LILRB2: variants seen among roughly 807,000 people sequenced by gnomAD.
LILRB2 encodes the protein leukocyte immunoglobulin like receptor B2.
LILRB2 carries 47 observed loss-of-function variants against 72.7 expected under a neutral mutation model. The observed-to-expected ratio is 0.65, with a 90% CI of 0.51 to 0.82. The LOEUF (loss-of-function observed/expected upper bound fraction) is 0.82. Among genes scored for constraint, LILRB2 ranks in the 40% least tolerant of loss-of-function variants. LILRB2 has a pLI of 0.00. For missense variants in LILRB2, 767 were observed against 764.8 expected, an observed-to-expected ratio of 1.00 and a Z score of -0.03; for synonymous variants, 279 against 313.7, an observed-to-expected ratio of 0.89 and a Z score of 1.17.
rs757051651 is a variant in LILRB2 at position 54,279,644 on chromosome 19, G to T, written c.359C>A (p.Ala120Asp). 2.5e-6 allele frequency: 4 copies of T among 1,604,064 alleles called. No individual in the cohort carries two copies. Among genetic ancestry groups the T allele is most frequent in the Admixed American group, 1.7e-5 (1 of 59,698 alleles). The change falls in exon 5 of 14, where the codon GCC becomes GAC. Residue 120 changes from alanine to aspartate, a missense_variant. Transcript: ENST00000314446. ...SDPLVLVMTG[A>D]YPKPTLSAQP... Reference sequence around the variant, plus strand: ...GGCTGAGAGGGTGGGTTTTGGGTAGGCTCCTAGGAGAGAAGGAGGCATCGT... The same window carrying T: ...GGCTGAGAGGGTGGGTTTTGGGTAGTCTCCTAGGAGAGAAGGAGGCATCGT...
intron 9 of LILRB2, chr19:54,277,136 G>A (rs1601103375): frequency 4.0e-6 from 6 of 1,496,794 alleles, no homozygotes; most frequent in Non-Finnish European, 5.5e-6. Context: ...CCAGGAAGCG[G>A]CAGAGCTGGG....
chr19:54,280,625 T>C (rs1420525228), intron 1 of LILRB2, 81 bp from the exon 2 acceptor site: 36 of 1,549,182 alleles, frequency 2.3e-5, no homozygotes, highest in Non-Finnish European at 3.2e-5. Context: ...TGGGTCCTTC[T>C]CATGGGGTGT....
intron 12 of LILRB2, 37 bp downstream of exon 12, chr19:54,276,227 T>A: frequency 6.2e-7 from 1 of 1,613,286 alleles, no homozygotes; most frequent in Non-Finnish European, 8.5e-7. Flanking sequence ...GGGGCCCCTA[T>A]CTCCCTCCTG....
Position 54,278,292 on chromosome 19 carries a change from T to A in LILRB2, c.1226A>T (p.His409Leu), listed in dbSNP as rs758408980. 8.7e-6 allele frequency: 14 copies of A among 1,613,736 alleles called. No homozygotes were observed. The highest frequency in any genetic ancestry group is 1.6e-4 in the Middle Eastern group (1 of 6,084). The change falls in exon 7 of 14, where the codon CAC (histidine) becomes CTC (leucine). Residue 409 changes from histidine to leucine, a missense_variant. His to Leu is a moderately conservative substitution (Grantham distance 99). Around this residue, in one of 3 missense-constraint regions of LILRB2, gnomAD observed 599 missense variants for 568.2 expected, o/e 1.05. Coordinates refer to ENST00000314446, the MANE Select transcript of LILRB2 (RefSeq NM_001080978.4). ...SLNSDPYLLS[H>L]PSEPLELVVS... ...CACGAGCTCCAGGGGCTCACTGGGG[T>A]GAGACAGCAGGTAGGGGTCGGAGTT...
rs376258741 is a variant in LILRB2, at chr19:54,274,695, C to T, written c.1782G>A (p.Leu594=). ...CGTACCCTCCGGGCTAGTGGATGGC[C>T]AGGGTGGCGTAGATGCTGGGCTCAG... is the stretch of plus-strand genomic sequence containing the variant. The part of the protein sequence containing the change: ...PPAEPSIYAT[L]AIH Residue 594 remains leucine, a synonymous_variant, in exon 14 of 14, where the codon CTG becomes CTA. Transcript: ENST00000314446. 29 of 1,613,818 alleles carry T rather than the reference C, an allele frequency of 1.8e-5. No individual in the cohort carries two copies. Among genetic ancestry groups the T allele is most frequent in the Non-Finnish European group, 2.5e-5 (29 of 1,180,028 alleles).
Position 54,279,951 on chromosome 19 carries a change from T to C in LILRB2, c.195A>G (p.Lys65=). The change falls in exon 4 of 14, where the codon AAA becomes AAG. Residue 65 remains lysine, a synonymous_variant. Coordinates refer to ENST00000314446, the MANE Select transcript of LILRB2 (RefSeq NM_001080978.4). ...AQEYRLYREK[K]SASWITRIRP... ...GTATCCGTGTAATCCAAGATGCTGA[T>C]TTTTTCTCCCTATATAGACGGTACT... 6.2e-7 allele frequency: 1 copy of C among 1,614,096 alleles called. No homozygotes were observed. Among genetic ancestry groups the C allele is most frequent in the Non-Finnish European group, 8.5e-7 (1 of 1,179,984 alleles).
At chr19:54,276,552 T>A (rs1414089419) in intron 10 of LILRB2, 96 bp from the exon 11 acceptor site, 32 of 1,379,984 alleles carry the variant, frequency 2.3e-5, no homozygotes, top group Non-Finnish European at 2.8e-5. Flanking sequence ...CTAAAAACAC[T>A]CCTGCCTCCA....
chr19:54,278,724 C>T lies in LILRB2; in HGVS notation c.955+88G>A, dbSNP rs558138109. ...CTCTCCCTCCCTTGGGACCACCCCC[C>T]GCCTCATCCTGGCCATCACTAATTG... On this transcript the variant is annotated intron_variant, in intron 6 of 13. Coordinates refer to ENST00000314446, the MANE Select transcript of LILRB2 (RefSeq NM_001080978.4). 4.9e-3 allele frequency: 7,676 copies of T among 1,564,528 alleles called. 35 individuals carry two copies. Among genetic ancestry groups the T allele is most frequent in the Non-Finnish European group, 5.1e-3 (5,845 of 1,155,956 alleles).
In LILRB2 at chr19:54,280,500, G is replaced by A. The variant is rs368747484; in HGVS notation, c.-4C>T. 10 of 1,613,692 alleles carry A rather than the reference G, an allele frequency of 6.2e-6. No individual in the cohort carries two copies. The highest frequency in any genetic ancestry group is 3.3e-5 in the Admixed American group (2 of 59,956). ...GGACTGTGACGATGGGGGTCATGGC[G>A]TCTCCTCCCACTGCCCTGCTCTGCG... On this transcript the variant is annotated 5_prime_UTR_variant, in exon 2 of 14. The change creates a new upstream start codon in the 5' untranslated region. Coordinates refer to ENST00000314446, the MANE Select transcript of LILRB2 (RefSeq NM_001080978.4).
chr19:54,278,351 G>A lies in LILRB2; in HGVS notation c.1167C>T (p.Ala389=), dbSNP rs1490517696. The stretch of plus-strand genomic sequence containing the variant: ...CGTAGCACCTGTAGGTCCCCGCGTG[G>A]GCTGAGGTCACAGGACTCATGGGGA... ...AEFPMSPVTS[A]HAGTYRCYGS... The change falls in exon 7 of 14, where the codon GCC becomes GCT. Residue 389 remains alanine (A), a synonymous_variant. Transcript: ENST00000314446. The A allele has an allele frequency of 4.3e-6, 7 of 1,614,234 alleles. No homozygotes were observed. Among genetic ancestry groups the A allele is most frequent in the Non-Finnish European group, 5.1e-6 (6 of 1,180,034 alleles).
At chr19:54,274,999 C>T in intron 13 of LILRB2, 170 bp from the exon 14 acceptor site, 1 of 1,609,566 alleles carries the variant, frequency 6.2e-7, no homozygotes, top group Non-Finnish European at 8.5e-7. Flanking sequence ...GGCCATTTCT[C>T]TCCTAGGTCT....
At chr19:54,279,708 C>T (rs760679798) in intron 4 of LILRB2, 61 bp from the exon 5 acceptor site, 58 of 1,606,178 alleles carry the variant, frequency 3.6e-5, no homozygotes, top group Non-Finnish European at 4.8e-5. Context: ...ATCCCCAGGG[C>T]TGGGCTGTGA....
In LILRB2 at chr19:54,273,881, C is replaced by G. The variant is rs1483559142; in HGVS notation, c.*802G>C. 2 of 151,952 alleles carry G rather than the reference C, an allele frequency of 1.3e-5. No individual in the cohort carries two copies. The highest frequency in any genetic ancestry group is 2.9e-5 in the Non-Finnish European group (2 of 68,006). 9.4% of individuals were successfully genotyped at this position (151,952 alleles called of 1,614,324 possible). ...TCACACACACACACACACACACACACACACATATATATACACACACATACA... is the reference window on the plus strand; with the variant it reads ...TCACACACACACACACACACACACAGACACATATATATACACACACATACA... On this transcript the variant is annotated 3_prime_UTR_variant, in exon 14 of 14. Coordinates refer to ENST00000314446, the MANE Select transcript of LILRB2 (RefSeq NM_001080978.4).
chr19:54,277,637 C>A (rs1212155911), intron 8 of LILRB2, 40 bp from the exon 9 acceptor site: 2 of 1,547,006 alleles, frequency 1.3e-6, no homozygotes, highest in Non-Finnish European at 1.7e-6. Context: ...TGGGGCTGCC[C>A]TGCTCCCCAC....
In LILRB2 at chr19:54,274,519, G is replaced by C; in HGVS notation, c.*164C>G. The C allele has an allele frequency of 7.8e-7, 1 of 1,284,436 alleles. No individual in the cohort carries two copies. 79.6% of individuals were successfully genotyped at this position (1,284,436 alleles called of 1,614,324 possible). Reference sequence around the variant, plus strand: ...AAAATGTAGGGATATTAGTTATTTCGACTGCAGAATCAAGTGAGTCCCAAA... The same window carrying C: ...AAAATGTAGGGATATTAGTTATTTCCACTGCAGAATCAAGTGAGTCCCAAA... On this transcript the variant is annotated 3_prime_UTR_variant, in exon 14 of 14. Transcript: ENST00000314446.
At position 54,278,566 on chromosome 19, in the gene LILRB2, G is replaced by C. The variant is rs11666104; in HGVS notation, c.956-4C>G. 1.9e-6 allele frequency: 3 copies of C among 1,610,694 alleles called. No homozygotes were observed. The stretch of plus-strand genomic sequence containing the variant: ...AAGGGTGTGCCACGGATCTGTCCTG[G>C]AGAGAAGAAGGATGGGTGAGGGGCT... On this transcript the variant is annotated splice_region_variant and splice_polypyrimidine_tract_variant and intron_variant, in intron 6 of 13. Coordinates refer to ENST00000314446, the MANE Select transcript of LILRB2 (RefSeq NM_001080978.4).
At chr19:54,280,686 T>G in intron 1 of LILRB2, 142 bp from the exon 2 acceptor site, 1 of 1,144,218 alleles carries the variant, frequency 8.7e-7, no homozygotes, top group Non-Finnish European at 1.2e-6. Context: ...GGAGCCTGAC[T>G]CTCATTCTTT....
At chr19:54,277,467 C>T (rs2080288487) in intron 9 of LILRB2, 83 bp downstream of exon 9, 2 of 1,536,270 alleles carry the variant, frequency 1.3e-6, no homozygotes, top group Non-Finnish European at 8.8e-7. Flanking sequence ...ATCACCACCT[C>T]CAGAGGAGCC....
Position 54,281,053 on chromosome 19 carries a change from C to A in LILRB2, c.-141G>T, listed in dbSNP as rs13345069. On this transcript the variant is annotated 5_prime_UTR_variant, in exon 1 of 14. The change creates a new upstream start codon in the 5' untranslated region. Transcript: ENST00000314446. ...TCAGATCAGCAGAGAAGCATCTCGC[C>A]TCTGGCTGTGCTGTCCAGGTTGAGC... is the stretch of plus-strand genomic sequence containing the variant. 0.46 allele frequency: 191,165 copies of A among 412,448 alleles called. 35,720 individuals carry two copies. The highest frequency in any genetic ancestry group is 0.51 in the Non-Finnish European group (117,137 of 228,538). 25.5% of individuals were successfully genotyped at this position (412,448 alleles called of 1,614,324 possible).
Sources: gnomAD v4.1 joint callset for allele counts on GRCh38, gnomAD v4.1.1 for gene constraint, gnomAD v4.1.1 regional missense constraint, MANE v1.5 for transcripts, NCBI Gene and HGNC (gene_info 2026-07-23, HGNC 2026-07-21) for gene names.